Variants in ELMO1 observed in about 807,000 individuals in gnomAD.
The protein encoded by ELMO1 is engulfment and cell motility protein 1.
Under a neutral mutation model 98.9 loss-of-function variants are expected in ELMO1, and 26 were observed. The ratio of observed to expected loss-of-function variants is 0.26; its 90% CI spans 0.19 to 0.36. ELMO1 has a LOEUF of 0.36. Ranked by LOEUF, ELMO1 falls within the 10% of genes least tolerant of loss-of-function variation. The pLI, the probability that ELMO1 is intolerant of heterozygous loss-of-function variation, is 1.00. For missense variants in ELMO1, 627 were observed against 935.2 expected (o/e 0.67, Z 4.30); for synonymous variants, 346 against 346.0 (o/e 1.00, Z 0.00).
intron 19 of ELMO1, among the ~76,000 whole-genome samples, chr7:36,872,618 C>T (rs1248441279): frequency 6.6e-6 from 1 of 152,156 alleles, no homozygotes; most frequent in African/African-American, 2.4e-5. Flanking sequence ...TGAACACTGA[C>T]TTCAGTTCTC....
In ELMO1 at chr7:37,405,093, G is replaced by A. The variant is rs114151346; in HGVS notation, c.-74+43582C>T. On this transcript the variant is annotated intron_variant, in intron 1 of 21. Coordinates refer to ENST00000310758, the MANE Select transcript of ELMO1 (RefSeq NM_014800.11). ...GGTAATGTGGGCCACCGGCACTGGG[G>A]GACTGAAATGGTCGTGTGAGAAAGC... 3.1e-3 allele frequency among the ~76,000 whole-genome samples: 474 copies of A among 152,244 alleles called. 3 individuals carry two copies. The highest frequency in any genetic ancestry group is 0.011 in the African/African-American group (451 of 41,550).
chr7:37,130,821 G>C (rs762765419), intron 14 of ELMO1, among the ~76,000 whole-genome samples: 1 of 152,068 alleles, frequency 6.6e-6, no homozygotes, highest in Non-Finnish European at 1.5e-5. Flanking sequence ...CTGGCAAAGA[G>C]AGTGAATAGT....
At chr7:37,431,681 A>C (rs1804938101) in intron 1 of ELMO1, among the ~76,000 whole-genome samples, 1 of 152,192 alleles carries the variant, frequency 6.6e-6, no homozygotes, top group South Asian at 2.1e-4. Context: ...AGCCTTCCCC[A>C]AGAAGACCTA....
chr7:37,237,325 T>C (rs1794523342), intron 7 of ELMO1, among the ~76,000 whole-genome samples: 1 of 152,210 alleles, frequency 6.6e-6, no homozygotes, highest in South Asian at 2.1e-4. Context: ...AGTCTCACTC[T>C]TTTGCCCAGG....
intron 13 of ELMO1, among the ~76,000 whole-genome samples, chr7:37,136,684 C>T (rs1205484058): frequency 6.6e-6 from 1 of 151,906 alleles, no homozygotes; most frequent in South Asian, 2.1e-4. Flanking sequence ...TGAGAGAATT[C>T]CCCACTACCA....
chr7:37,435,279 A>C (rs1037491581), intron 1 of ELMO1: 1 of 152,278 alleles, frequency 6.6e-6, no homozygotes, highest in African/African-American at 2.4e-5. Context: ...ATCCAGGCAC[A>C]CAGTAGCAAT....
At chr7:37,080,841 C>T (rs1005518977) in intron 15 of ELMO1, among the ~76,000 whole-genome samples, 4 of 152,006 alleles carry the variant, frequency 2.6e-5, no homozygotes, top group Non-Finnish European at 5.9e-5. Context: ...ATGGCAAACA[C>T]TCCTGCCTCA....
intron 15 of ELMO1, 90 bp downstream of exon 15, chr7:37,096,529 T>C: frequency 9.4e-7 from 1 of 1,068,536 alleles, no homozygotes; most frequent in Admixed American, 1.9e-5. Context: ...GCTGTCGGCA[T>C]CTTGGGATTT....
chr7:37,077,572 A>G (rs1184218609), intron 15 of ELMO1, among the ~76,000 whole-genome samples: 1 of 152,250 alleles, frequency 6.6e-6, no homozygotes, highest in African/African-American at 2.4e-5. Flanking sequence ...TATGCAGGCC[A>G]TACAATGGTG....
intron 15 of ELMO1, among the ~76,000 whole-genome samples, chr7:37,075,601 C>T (rs1049417017): frequency 2.6e-5 from 4 of 152,166 alleles, no homozygotes; most frequent in Non-Finnish European, 1.5e-5. Flanking sequence ...AAAGGATGGA[C>T]ACTGTCCTTT....
chr7:37,137,783 C>T (rs1480102692), intron 13 of ELMO1, among the ~76,000 whole-genome samples: 1 of 152,148 alleles, frequency 6.6e-6, no homozygotes, highest in Non-Finnish European at 1.5e-5. Flanking sequence ...GTGATCCACC[C>T]ACCTCGGCCT....
chr7:37,360,692 G>A lies in ELMO1; in HGVS notation c.-73-17929C>T, dbSNP rs1214704350. Among the ~76,000 whole-genome samples the A allele has an allele frequency of 2.6e-5, 4 of 152,334 alleles. No homozygotes were observed. The East Asian group carries it at 5.8e-4, about 22-fold the overall frequency. ...ACCCAATACTCAGCCCAACTGAGTAGTAAGGCCTGTGTGGTTTTCAGTAAC... is the reference window on the plus strand; with the variant it reads ...ACCCAATACTCAGCCCAACTGAGTAATAAGGCCTGTGTGGTTTTCAGTAAC... On this transcript the variant is annotated intron_variant, in intron 1 of 21. Coordinates refer to ENST00000310758, the MANE Select transcript of ELMO1 (RefSeq NM_014800.11).
intron 20 of ELMO1, among the ~76,000 whole-genome samples, chr7:36,864,668 A>C (rs1213328153): frequency 1.3e-5 from 2 of 152,174 alleles, no homozygotes; most frequent in Non-Finnish European, 2.9e-5. Flanking sequence ...ATGAGGGAGA[A>C]GGCGCCAGGT....
At chr7:36,918,890 T>C (rs1784915636) in intron 16 of ELMO1, among the ~76,000 whole-genome samples, 1 of 152,182 alleles carries the variant, frequency 6.6e-6, no homozygotes, top group South Asian at 2.1e-4. Context: ...GTAGACTCAC[T>C]TTAAGGGGTA....
At chr7:37,126,588 G>A (rs1486660144) in intron 14 of ELMO1, among the ~76,000 whole-genome samples, 6 of 152,170 alleles carry the variant, frequency 3.9e-5, no homozygotes, top group African/African-American at 4.8e-5. Flanking sequence ...ATCAAGCAAC[G>A]TTTTTATAAC....
intron 13 of ELMO1, among the ~76,000 whole-genome samples, chr7:37,151,370 C>T (rs988747577): frequency 1.3e-5 from 2 of 152,122 alleles, no homozygotes; most frequent in Admixed American, 1.3e-4. Context: ...ATGAGGACGG[C>T]TTCAGCACAG....
At chr7:37,399,115 T>TA (rs1803416887) in intron 1 of ELMO1, among the ~76,000 whole-genome samples, 1 of 152,044 alleles carries the variant, frequency 6.6e-6, no homozygotes. Context: ...GATCCAGAGG[T>TA]ACAGGGGTTC....
chr7:36,925,138 A>G (rs182832825), intron 16 of ELMO1, among the ~76,000 whole-genome samples: 248 of 152,032 alleles, frequency 1.6e-3, no homozygotes, highest in African/African-American at 5.8e-3. Context: ...GAAACCTTTG[A>G]CTCCTTGTAA....
intron 14 of ELMO1, among the ~76,000 whole-genome samples, chr7:37,097,937 T>C (rs1380882112): frequency 4.6e-5 from 7 of 152,330 alleles, no homozygotes; most frequent in Admixed American, 4.6e-4. Flanking sequence ...CCTCTTTTCT[T>C]AAGCTAATTT....
Sources: allele counts gnomAD v4.1 joint callset (sites outside exome capture counted in the v4.1 genomes callset), GRCh38; gene constraint gnomAD v4.1.1; transcripts MANE v1.5; gene names NCBI Gene and HGNC (gene_info 2026-07-23, HGNC 2026-07-21).